Variants in PCLAF observed in about 807,000 individuals in gnomAD.
The protein encoded by PCLAF is PCNA clamp associated factor.
A neutral mutation model predicts 15.1 loss-of-function variants in PCLAF; 12 were observed. That is an observed-to-expected ratio of 0.79 (90% confidence interval 0.51 to 1.29). PCLAF has a LOEUF of 1.29. Ranked by LOEUF, PCLAF falls within the 50% of genes most tolerant of loss-of-function variation. The pLI is 0.00. For missense variants in PCLAF, 116 were observed against 130.9 expected (o/e 0.89, Z 0.56); for synonymous variants, 33 against 47.1 (o/e 0.70, Z 1.22).
At chr15:64,371,436 T>G (rs183987751) in intron 3 of PCLAF, among the ~76,000 whole-genome samples, 22 of 152,074 alleles carry the variant, frequency 1.4e-4, no homozygotes, top group Non-Finnish European at 3.1e-4. Context: ...CAGTTAATAT[T>G]TGTATTTTTA....
At chr15:64,367,325 G>A (rs981507309) in intron 3 of PCLAF, among the ~76,000 whole-genome samples, 1 of 151,476 alleles carries the variant, frequency 6.6e-6, no homozygotes, top group African/African-American at 2.4e-5. Flanking sequence ...CCAACATGGT[G>A]AAACACATCT....
intron 3 of PCLAF, among the ~76,000 whole-genome samples, chr15:64,371,509 G>A (rs979064155): frequency 6.6e-6 from 1 of 152,124 alleles, no homozygotes; most frequent in Non-Finnish European, 1.5e-5. Flanking sequence ...CAGGTGATCC[G>A]CCGGCCTAGG....
chr15:64,373,689 T>C (rs913265802), intron 3 of PCLAF: 4 of 1,534,554 alleles, frequency 2.6e-6, no homozygotes, highest in African/African-American at 2.7e-5. Flanking sequence ...ATCGCCACCA[T>C]CCCCTTACCC....
chr15:64,383,847 G>A (rs116031614), upstream of PCLAF, among the ~76,000 whole-genome samples: 1,326 of 152,044 alleles, frequency 8.7e-3, 16 homozygotes, highest in African/African-American at 0.03. Context: ...ATTTCCACCC[G>A]GGGCAGTCTA....
At chr15:64,375,964 C>T (rs959828977) in intron 3 of PCLAF, among the ~76,000 whole-genome samples, 3 of 152,162 alleles carry the variant, frequency 2.0e-5, no homozygotes, top group Admixed American at 6.5e-5. Flanking sequence ...CAGTGGCTCA[C>T]GCCTGTAATC....
At chr15:64,381,498 T>A, upstream of PCLAF, 1 of 1,575,078 alleles carries the variant, frequency 6.3e-7, no homozygotes, top group Non-Finnish European at 8.6e-7. Flanking sequence ...CGCTCCAAGG[T>A]CTCTCCCGAG....
At chr15:64,384,596 G>T (rs887630262), upstream of PCLAF, among the ~76,000 whole-genome samples, 1 of 151,514 alleles carries the variant, frequency 6.6e-6, no homozygotes, top group East Asian at 2.0e-4. Flanking sequence ...ACAAAAACTA[G>T]CCAGGCATGA....
intron 2 of PCLAF, among the ~76,000 whole-genome samples, chr15:64,378,221 C>T (rs943236805): frequency 7.2e-5 from 11 of 152,016 alleles, no homozygotes; most frequent in South Asian, 4.2e-4. Flanking sequence ...CCACCCTGCC[C>T]GGCCAATTCC....
At chr15:64,383,199 T>A (rs1899867898), upstream of PCLAF, among the ~76,000 whole-genome samples, 1 of 152,142 alleles carries the variant, frequency 6.6e-6, no homozygotes, top group Admixed American at 6.6e-5. Flanking sequence ...AGGCAACAGG[T>A]TAAATTAACA....
intron 3 of PCLAF, chr15:64,373,890 T>A: frequency 1.1e-6 from 1 of 898,310 alleles, no homozygotes; most frequent in Non-Finnish European, 1.6e-6. Context: ...TTAAGTTGCT[T>A]AGAAAGCCTG....
At chr15:64,375,558 C>T (rs1008184278) in intron 3 of PCLAF, among the ~76,000 whole-genome samples, 2 of 151,906 alleles carry the variant, frequency 1.3e-5, no homozygotes, top group Non-Finnish European at 2.9e-5. Context: ...TTATAGGCGG[C>T]GCCGCCACCC....
chr15:64,381,342 T>A lies in PCLAF; in HGVS notation c.30A>T (p.Pro10=). MVRTKADSV[P]GTYRKVVAAR... ...TCGCCTCACCTTTTCTGTAAGTGCC[T>A]GGAACACTGTCTGCTTTAGTCCGCA... Residue 10 remains proline, a synonymous_variant, in exon 1 of 4, where the codon CCA becomes CCT. Coordinates refer to ENST00000300035, the MANE Select transcript of PCLAF (RefSeq NM_014736.6). The A allele has an allele frequency of 6.2e-7, 1 of 1,614,172 alleles. No individual in the cohort carries two copies. Among genetic ancestry groups the A allele is most frequent in the Non-Finnish European group, 8.5e-7 (1 of 1,180,028 alleles).
At chr15:64,377,190 G>A (rs950023331) in intron 2 of PCLAF, among the ~76,000 whole-genome samples, 12 of 151,180 alleles carry the variant, frequency 7.9e-5, no homozygotes, top group African/African-American at 2.2e-4. Context: ...TACTCTTGCC[G>A]GGTCCAGTGG....
chr15:64,377,486 AAAAT>A (rs1899643698), intron 2 of PCLAF, among the ~76,000 whole-genome samples: 1 of 40,810 alleles, frequency 2.5e-5, no homozygotes, highest in African/African-American at 8.9e-5. Context: ...AAAAAAAAAA[AAAAT>A]ATATATATAT....
chr15:64,387,577 T>A, exon 1 of PCLAF: 1 of 1,362,328 alleles, frequency 7.3e-7, no homozygotes, highest in Admixed American at 3.1e-5. Flanking sequence ...GCACTTGCAC[T>A]GTCTTCTTAG....
intron 3 of PCLAF, among the ~76,000 whole-genome samples, chr15:64,375,184 G>A (rs1899558163): frequency 6.6e-6 from 1 of 152,024 alleles, no homozygotes; most frequent in South Asian, 2.1e-4. Context: ...GAGTGCAGTG[G>A]TGCGATCTCA....
intron 3 of PCLAF, among the ~76,000 whole-genome samples, chr15:64,366,818 C>A (rs1186036543): frequency 6.6e-6 from 1 of 151,978 alleles, no homozygotes; most frequent in African/African-American, 2.4e-5. Flanking sequence ...ACTAAAAATA[C>A]AAAAATAGCC....
Position 64,381,030 on chromosome 15 carries a change from C to T in PCLAF, c.55G>A (p.Ala19Thr). Reference sequence around the variant, plus strand: ...CCAAGCACCTTTCTGGGGGCTCGAGCAGCCACCACTGTGAAGAGAGGCAAA... The same window carrying T: ...CCAAGCACCTTTCTGGGGGCTCGAGTAGCCACCACTGTGAAGAGAGGCAAA... ...VPGTYRKVVA[A>T]RAPRKVLGSS... is the part of the protein sequence containing the mutation. Residue 19 changes from alanine (A) to threonine (T), a missense_variant, in exon 2 of 4, where the codon GCT becomes ACT. Ala to Thr is a moderately conservative substitution (Grantham distance 58, BLOSUM62 0). Transcript: ENST00000300035. The T allele has an allele frequency of 6.2e-7, 1 of 1,614,040 alleles. No homozygotes were observed. The highest frequency in any genetic ancestry group is 8.5e-7 in the Non-Finnish European group (1 of 1,179,970).
chr15:64,374,819 C>T (rs1267860399), intron 3 of PCLAF, among the ~76,000 whole-genome samples: 1 of 144,296 alleles, frequency 6.9e-6, no homozygotes, highest in Non-Finnish European at 1.5e-5. Flanking sequence ...GCATTACAGC[C>T]TGGGTGACAG....
Sources: gnomAD v4.1 joint callset for allele counts (sites outside exome capture counted in the v4.1 genomes callset) on GRCh38, gnomAD v4.1.1 for gene constraint, MANE v1.5 for transcripts, NCBI Gene and HGNC (gene_info 2026-07-23, HGNC 2026-07-21) for gene names.